ULK2: variants seen among roughly 807,000 people sequenced by gnomAD.
ULK2 encodes unc-51 like autophagy activating kinase 2.
A neutral mutation model predicts 127.5 loss-of-function variants in ULK2; 76 were observed. The observed-to-expected ratio is 0.60, with a 90% confidence interval of 0.50 to 0.72. ULK2 has a LOEUF of 0.72. Among genes scored for constraint, ULK2 ranks in the 30% least tolerant of loss-of-function variants. The pLI is 0.00. For synonymous variants in ULK2, 452 were observed against 461.9 expected, an observed-to-expected ratio of 0.98 and a Z score of 0.28; for missense variants, 1,144 against 1,295.9, an observed-to-expected ratio of 0.88 and a Z score of 1.80.
chr17:19,783,232 C>T (rs2086956881), intron 22 of ULK2, among the ~76,000 whole-genome samples: 1 of 152,030 alleles, frequency 6.6e-6, no homozygotes, highest in African/African-American at 2.4e-5. Context: ...GTGGGCAGAT[C>T]ACAAGGTCAG....
chr17:19,847,392 C>T (rs1333359071), intron 5 of ULK2, among the ~76,000 whole-genome samples: 4 of 152,188 alleles, frequency 2.6e-5, no homozygotes, highest in Admixed American at 2.6e-4. Flanking sequence ...GCCTGTGAGG[C>T]ATCTGTGTTC....
chr17:19,814,427 T>TACATATATATAC lies in ULK2; in HGVS notation c.1096+2321_1096+2322insGTATATATATGT, dbSNP rs1567696395. On this transcript the variant is annotated intron_variant, in intron 13 of 26. Transcript: ENST00000395544. ...TATTATATACATATATATATATATA[T>TACATATATATAC]ATATATATATATTTTTTTTTTTTTT... 4.9e-3 allele frequency among the ~76,000 whole-genome samples: 79 copies of TACATATATATAC among 16,018 alleles called. 3 individuals carry two copies. The highest frequency in any genetic ancestry group is 0.018 in the African/African-American group (65 of 3,520). 10.5% of individuals were successfully genotyped at this position (16,018 alleles called of 152,430 possible).
intron 10 of ULK2, among the ~76,000 whole-genome samples, chr17:19,837,696 C>G (rs1597792640): frequency 1.3e-5 from 2 of 152,164 alleles, no homozygotes; most frequent in South Asian, 4.1e-4. Flanking sequence ...TCTCTCACAC[C>G]CTCACATTCA....
intron 10 of ULK2, among the ~76,000 whole-genome samples, chr17:19,837,753 C>T (rs1356089930): frequency 6.6e-6 from 1 of 152,202 alleles, no homozygotes; most frequent in South Asian, 2.1e-4. Flanking sequence ...AGATTTCTTA[C>T]CACCTCCACT....
In ULK2 at chr17:19,846,917, C is replaced by G. The variant is rs1231285653; in HGVS notation, c.296-7G>C. 1 of 1,599,488 alleles carries G rather than the reference C, an allele frequency of 6.3e-7. No individual in the cohort carries two copies. Among genetic ancestry groups the G allele is most frequent in the Middle Eastern group, 1.7e-4 (1 of 5,986 alleles). On this transcript the variant is annotated splice_region_variant and splice_polypyrimidine_tract_variant and intron_variant, in intron 5 of 26. Transcript: ENST00000395544. ...TCACTGAGAGTCCCTTTCGCTGGTA[C>G]AAAAGGAGTCACGTAAATATTTAAG...
intron 20 of ULK2, among the ~76,000 whole-genome samples, chr17:19,789,910 C>CAAAAAA (rs34932017): frequency 6.9e-5 from 4 of 57,680 alleles, no homozygotes; most frequent in South Asian, 5.8e-4. Flanking sequence ...AAAAAGCTGC[C>CAAAAAA]AAAAAAAAAA....
At chr17:19,790,727 T>G (rs1018044423) in intron 20 of ULK2, among the ~76,000 whole-genome samples, 7 of 152,092 alleles carry the variant, frequency 4.6e-5, no homozygotes, top group African/African-American at 1.2e-4. Flanking sequence ...CTGAATGGAT[T>G]AAAAAAATAA....
chr17:19,851,583 T>C (rs1365934216), intron 3 of ULK2, among the ~76,000 whole-genome samples: 4 of 151,410 alleles, frequency 2.6e-5, no homozygotes, highest in Non-Finnish European at 5.9e-5. Context: ...GAGGTTGCAG[T>C]GAGCTGAGAC....
At chr17:19,820,046 T>C (rs956941990) in intron 12 of ULK2, among the ~76,000 whole-genome samples, 3 of 58,084 alleles carry the variant, frequency 5.2e-5, no homozygotes, top group Admixed American at 2.3e-4. Flanking sequence ...TCACTGCAAC[T>C]TTATTTATTT....
intron 25 of ULK2, among the ~76,000 whole-genome samples, chr17:19,778,395 G>A (rs1353356209): frequency 6.6e-6 from 1 of 152,194 alleles, no homozygotes; most frequent in African/African-American, 2.4e-5. Context: ...AGGAGGTGCT[G>A]TTTGTGCTGA....
chr17:19,840,268 T>C (rs545611570), intron 9 of ULK2: 1 of 523,626 alleles, frequency 1.9e-6, no homozygotes, highest in Non-Finnish European at 3.9e-6. Context: ...TGAGAGTACC[T>C]GCTTCAGTAC....
chr17:19,843,376 C>T (rs2041809754), intron 7 of ULK2, among the ~76,000 whole-genome samples, 154 bp from the exon 8 acceptor site: 1 of 152,122 alleles, frequency 6.6e-6, no homozygotes, highest in African/African-American at 2.4e-5. Context: ...AGGCAAAGAA[C>T]TTACAACATA....
chr17:19,856,206 C>A (rs1049376248), intron 3 of ULK2: 1 of 152,210 alleles, frequency 6.6e-6, no homozygotes. Context: ...ATTTCTATCA[C>A]CCTAGCTTAC....
chr17:19,843,592 G>A (rs1449624295), intron 7 of ULK2, among the ~76,000 whole-genome samples: 4 of 151,660 alleles, frequency 2.6e-5, no homozygotes, highest in East Asian at 1.9e-4. Context: ...TGTGTGAGAG[G>A]AGCAGAGGAG....
At chr17:19,853,510 C>A (rs1405657220) in intron 3 of ULK2, among the ~76,000 whole-genome samples, 2 of 151,974 alleles carry the variant, frequency 1.3e-5, no homozygotes, top group Non-Finnish European at 2.9e-5. Flanking sequence ...ACCCCTCAGG[C>A]AGTTTCTATG....
chr17:19,814,780 A>G (rs925712923), intron 13 of ULK2, among the ~76,000 whole-genome samples: 2 of 152,062 alleles, frequency 1.3e-5, no homozygotes, highest in African/African-American at 4.8e-5. Context: ...TTCTGGGTAC[A>G]AGCAATCCTT....
chr17:19,856,576 C>T (rs1289664291), intron 3 of ULK2, among the ~76,000 whole-genome samples: 3 of 151,070 alleles, frequency 2.0e-5, no homozygotes, highest in Non-Finnish European at 4.4e-5. Context: ...AGCGAGACTC[C>T]GTCACACACA....
chr17:19,823,767 C>T (rs573348377), intron 12 of ULK2, among the ~76,000 whole-genome samples: 1 of 152,266 alleles, frequency 6.6e-6, no homozygotes, highest in South Asian at 2.1e-4. Context: ...GCGTGTCTGG[C>T]TCTTAATTTT....
chr17:19,864,590 C>A (rs2042314879), intron 3 of ULK2, among the ~76,000 whole-genome samples: 1 of 152,094 alleles, frequency 6.6e-6, no homozygotes, highest in Non-Finnish European at 1.5e-5. Flanking sequence ...AGTGTATTAT[C>A]AATTGTTAAT....
Sources: gnomAD v4.1 joint callset for allele counts (sites outside exome capture counted in the v4.1 genomes callset) on GRCh38, gnomAD v4.1.1 for gene constraint, MANE v1.5 for transcripts, NCBI Gene and HGNC (gene_info 2026-07-23, HGNC 2026-07-21) for gene names.